ROCK1: variants seen among roughly 807,000 people sequenced by gnomAD.
ROCK1 encodes the protein Rho associated coiled-coil containing protein kinase 1.
In ROCK1, 36 loss-of-function variants were observed where a neutral mutation model predicts 196.8. The ratio of observed to expected loss-of-function variants is 0.18; its 90% CI spans 0.14 to 0.24. ROCK1 has a LOEUF of 0.24. Among genes scored for constraint, ROCK1 ranks in the 10% least tolerant of loss-of-function variants. The probability of loss-of-function intolerance (pLI) is 1.00; values close to 1 mark genes in which losing one functional copy is unlikely to be tolerated. For missense variants in ROCK1, 920 were observed against 1,562.0 expected (o/e 0.59, Z 6.93); for synonymous variants, 443 against 515.9 (o/e 0.86, Z 1.91).
intron 27 of ROCK1, among the ~76,000 whole-genome samples, chr18:20,966,360 C>T (rs2035374248): frequency 6.6e-6 from 1 of 152,150 alleles, no homozygotes; most frequent in African/African-American, 2.4e-5. Context: ...ATCTTAGCCA[C>T]TCATTCCTGC....
intron 16 of ROCK1, among the ~76,000 whole-genome samples, chr18:21,003,282 A>G (rs1346804959): frequency 6.6e-6 from 1 of 152,216 alleles, no homozygotes; most frequent in Non-Finnish European, 1.5e-5. Context: ...GAGATTACAA[A>G]GAACACAAAA....
chr18:20,986,302 A>G (rs1455463626), intron 19 of ROCK1, among the ~76,000 whole-genome samples: 1 of 152,178 alleles, frequency 6.6e-6, no homozygotes, highest in Admixed American at 6.5e-5. Flanking sequence ...CTTCTTATCC[A>G]GCCGGTACTC....
chr18:20,991,351 G>A, intron 17 of ROCK1, 25 bp from the exon 18 acceptor site: 3 of 1,516,480 alleles, frequency 2.0e-6, no homozygotes, highest in South Asian at 2.4e-5. Context: ...TAGGAGTCAT[G>A]TAATAAACTG....
intron 1 of ROCK1, among the ~76,000 whole-genome samples, chr18:21,071,726 T>C (rs1436032039): frequency 6.6e-6 from 1 of 152,158 alleles, no homozygotes; most frequent in Non-Finnish European, 1.5e-5. Context: ...CTTAATAATG[T>C]AATCAGTTCC....
At chr18:21,048,684 G>A (rs1438699457) in intron 4 of ROCK1, among the ~76,000 whole-genome samples, 2 of 151,978 alleles carry the variant, frequency 1.3e-5, no homozygotes, top group East Asian at 3.9e-4. Context: ...CCAGTAGCTG[G>A]AACCACAGGC....
At chr18:20,980,611 A>G (rs2035522582) in intron 21 of ROCK1, among the ~76,000 whole-genome samples, 1 of 152,202 alleles carries the variant, frequency 6.6e-6, no homozygotes, top group African/African-American at 2.4e-5. Flanking sequence ...AAATGGGTAT[A>G]TTATATAGAA....
intron 27 of ROCK1, among the ~76,000 whole-genome samples, chr18:20,966,183 C>A (rs1220123835): frequency 6.6e-6 from 1 of 152,066 alleles, no homozygotes; most frequent in Admixed American, 6.6e-5. Flanking sequence ...ATAATGATAA[C>A]CTACTCATTT....
Position 20,991,039 on chromosome 18 carries a change from C to A in ROCK1, c.2143+137G>T. The A allele has an allele frequency of 4.6e-6, 3 of 650,118 alleles. No individual in the cohort carries two copies. The South Asian group carries it at 6.6e-5, about 14-fold the overall frequency. The allele number at this position is 650,118 out of a possible 1,614,324, so 40.3% of individuals were successfully genotyped here. A position where few individuals can be genotyped will look rare whatever the true frequency, so the allele number is the denominator to read the frequency against. On this transcript the variant is annotated intron_variant, in intron 18 of 32. Coordinates refer to ENST00000399799, the MANE Select transcript of ROCK1 (RefSeq NM_005406.3). Reference sequence around the variant, plus strand: ...CCTCCCAAAGTGATGGGATTACAGGCATGAGCCACTGTGCCAGGCCTATAA... The same window carrying A: ...CCTCCCAAAGTGATGGGATTACAGGAATGAGCCACTGTGCCAGGCCTATAA...
At chr18:21,039,636 G>C (rs2036087947) in intron 8 of ROCK1, 73 bp from the exon 9 acceptor site, 2 of 1,048,892 alleles carry the variant, frequency 1.9e-6, no homozygotes, top group South Asian at 1.3e-5. Context: ...GTTTATTTGT[G>C]GGCAGGATAT....
At chr18:20,961,210 A>T (rs1470883978) in intron 27 of ROCK1, among the ~76,000 whole-genome samples, 1 of 152,196 alleles carries the variant, frequency 6.6e-6, no homozygotes, top group Non-Finnish European at 1.5e-5. Context: ...ATAGAAAAAT[A>T]ACCAATTTCA....
intron 9 of ROCK1, among the ~76,000 whole-genome samples, chr18:21,029,840 C>T (rs2035991468): frequency 6.6e-6 from 1 of 151,856 alleles, no homozygotes; most frequent in Non-Finnish European, 1.5e-5. Context: ...TATTTTTTAG[C>T]TTAAAGATAC....
chr18:20,986,810 T>C (rs1287279367), intron 19 of ROCK1, 140 bp downstream of exon 19: 4 of 704,462 alleles, frequency 5.7e-6, no homozygotes, highest in East Asian at 2.9e-5. Flanking sequence ...GGGGTGACCA[T>C]ACAGCAGTGA....
intron 6 of ROCK1, 110 bp downstream of exon 6, chr18:21,043,992 G>C: frequency 6.1e-6 from 4 of 659,082 alleles, no homozygotes; most frequent in South Asian, 1.9e-5. Context: ...GACAAGTCCA[G>C]CTATGGTTAG....
At chr18:21,028,614 G>A (rs1199591000) in intron 10 of ROCK1, among the ~76,000 whole-genome samples, 162 bp downstream of exon 10, 1 of 152,092 alleles carries the variant, frequency 6.6e-6, no homozygotes, top group African/African-American at 2.4e-5. Context: ...ATGAGTCCAA[G>A]AGAAATTAAA....
rs368839992 is a variant in ROCK1 at position 20,958,453 on chromosome 18, C to T, written c.3512+1387G>A. On this transcript the variant is annotated intron_variant, in intron 29 of 32. Transcript: ENST00000399799. ...AAGGTCCTTAATGATGGAATTTACT[C>T]ATCTTTATACATACTACATAATCTA... is the stretch of plus-strand genomic sequence containing the variant. Among the ~76,000 whole-genome samples, 6 of 150,564 alleles carry T rather than the reference C, an allele frequency of 4.0e-5. No individual in the cohort carries two copies. The East Asian group carries it at 5.9e-4, about 15-fold the overall frequency.
chr18:21,028,340 C>T (rs1011139401), intron 10 of ROCK1, among the ~76,000 whole-genome samples: 2 of 151,738 alleles, frequency 1.3e-5, no homozygotes, highest in African/African-American at 4.8e-5. Flanking sequence ...TGCTTGAACC[C>T]AGGAGGTGGA....
At chr18:20,971,117 CCA>C (rs2035421862) in intron 22 of ROCK1, among the ~76,000 whole-genome samples, 1 of 152,208 alleles carries the variant, frequency 6.6e-6, no homozygotes, top group South Asian at 2.1e-4. Context: ...CAAGACAACT[CCA>C]GTTTGCCTAC....
chr18:21,043,604 T>C (rs2036129483), intron 6 of ROCK1, among the ~76,000 whole-genome samples: 1 of 148,502 alleles, frequency 6.7e-6, no homozygotes, highest in African/African-American at 2.5e-5. Context: ...ACATAATATG[T>C]ATATACATAT....
At chr18:21,042,877 A>G (rs914052421) in intron 6 of ROCK1, among the ~76,000 whole-genome samples, 168 bp from the exon 7 acceptor site, 13 of 152,166 alleles carry the variant, frequency 8.5e-5, no homozygotes, top group Admixed American at 8.5e-4. Context: ...TTAATCATAT[A>G]TATACATACT....
Sources: allele counts gnomAD v4.1 joint callset (sites outside exome capture counted in the v4.1 genomes callset), GRCh38; gene constraint gnomAD v4.1.1; transcripts MANE v1.5; gene names NCBI Gene and HGNC (gene_info 2026-07-23, HGNC 2026-07-21).